The following MYLK3 variants were observed in gnomAD, a reference collection of about 807,000 sequenced individuals.
MYLK3 encodes myosin light chain kinase 3.
MYLK3 carries 55 observed loss-of-function variants against 76.3 expected under a neutral mutation model. That is an observed-to-expected ratio of 0.72 (90% CI 0.58 to 0.90). The LOEUF is 0.90. Ranked by LOEUF, MYLK3 falls within the 40% of genes least tolerant of loss-of-function variation. MYLK3 has a pLI of 0.00. For synonymous variants in MYLK3, 416 were observed against 425.4 expected, an observed-to-expected ratio of 0.98 and a Z score of 0.27; for missense variants, 973 against 1,053.6, an observed-to-expected ratio of 0.92 and a Z score of 1.06.
intron 10 of MYLK3, among the ~76,000 whole-genome samples, chr16:46,712,388 C>T (rs1438213095): frequency 6.6e-6 from 1 of 151,598 alleles, no homozygotes; most frequent in Non-Finnish European, 1.5e-5. Flanking sequence ...AATATCGGCA[C>T]ATCTCAATTT....
chr16:46,709,084 TC>T (rs1040050115), intron 12 of MYLK3, among the ~76,000 whole-genome samples: 2 of 152,200 alleles, frequency 1.3e-5, no homozygotes, highest in Non-Finnish European at 2.9e-5. Flanking sequence ...GAGAGATTTT[TC>T]CCCCTAAATA....
rs1277186987 is a variant in MYLK3 at position 46,758,302 on chromosome 16, ACACTCTCTCTCTCT to A, written c.-114+4724_-114+4737del. ...CACACACACACACACACACACACAC[ACACTCTCTCTCTCT>A]CTCTCTCTCTCTCTCTCTCTCTCTC... On this transcript the variant is annotated intron_variant, in intron 1 of 11. Coordinates refer to the MYLK3 transcript ENST00000536476. 5.6e-3 allele frequency among the ~76,000 whole-genome samples: 301 copies of A among 53,894 alleles called. 2 individuals carry two copies. The highest frequency in any genetic ancestry group is 0.025 in the African/African-American group (267 of 10,868). 35.4% of individuals were successfully genotyped at this position (53,894 alleles called of 152,430 possible). A position where few individuals can be genotyped will look rare whatever the true frequency, so the allele number is the denominator to read the frequency against.
In MYLK3 at chr16:46,702,692, T is replaced by C. The variant is rs1381762151; in HGVS notation, c.*5012A>G. ...ATCCCAGCACTTTGGGAGGCCGAGG[T>C]GGGCAGATCACGAGGTCAAGAGATC... On this transcript the variant is annotated 3_prime_UTR_variant, in exon 13 of 13. Transcript: ENST00000394809. 6.6e-6 allele frequency among the ~76,000 whole-genome samples: 1 copy of C among 151,946 alleles called. No individual in the cohort carries two copies. The highest frequency in any genetic ancestry group is 6.6e-5 in the Admixed American group (1 of 15,250).
At chr16:46,719,728 C>T (rs1277531549) in intron 9 of MYLK3, among the ~76,000 whole-genome samples, 1 of 152,200 alleles carries the variant, frequency 6.6e-6, no homozygotes, top group African/African-American at 2.4e-5. Context: ...GTCACCACCC[C>T]TGCCCTCCAG....
Position 46,702,630 on chromosome 16 carries a change from A to C in MYLK3, c.*5074T>G, listed in dbSNP as rs932160034. ...GTTGTGAATTTTTAATTATAAATGTAATACATGCGGGCCAGGCGCAGTGGC... is the reference window on the plus strand; with the variant it reads ...GTTGTGAATTTTTAATTATAAATGTCATACATGCGGGCCAGGCGCAGTGGC... On this transcript the variant is annotated 3_prime_UTR_variant, in exon 13 of 13. Coordinates refer to ENST00000394809, the MANE Select transcript of MYLK3 (RefSeq NM_182493.3). Among the ~76,000 whole-genome samples, 1 of 152,226 alleles carries C rather than the reference A, an allele frequency of 6.6e-6. No individual in the cohort carries two copies. The highest frequency in any genetic ancestry group is 1.5e-5 in the Non-Finnish European group (1 of 68,040).
Position 46,707,477 on chromosome 16 carries a change from A to G in MYLK3, c.*227T>C. The G allele has an allele frequency of 2.0e-6, 1 of 493,020 alleles. No homozygotes were observed. The highest frequency in any genetic ancestry group is 3.6e-6 in the Non-Finnish European group (1 of 279,524). 30.5% of individuals were successfully genotyped at this position (493,020 alleles called of 1,614,324 possible). On this transcript the variant is annotated 3_prime_UTR_variant, in exon 13 of 13. Transcript: ENST00000394809. ...AAGTAGGTATATTTGAAAGGTACTCAGAGCATTTCACACGTAGTGATCTTA... is the reference window on the plus strand; with the variant it reads ...AAGTAGGTATATTTGAAAGGTACTCGGAGCATTTCACACGTAGTGATCTTA...
intron 2 of MYLK3, among the ~76,000 whole-genome samples, chr16:46,738,756 G>C (rs1966886651): frequency 6.6e-6 from 1 of 152,238 alleles, no homozygotes; most frequent in Non-Finnish European, 1.5e-5. Flanking sequence ...GGAAAGAAAA[G>C]ACAAAAGTTT....
intron 11 of MYLK3, 126 bp from the exon 12 acceptor site, chr16:46,709,797 T>C: frequency 5.2e-6 from 6 of 1,154,284 alleles, no homozygotes; most frequent in Non-Finnish European, 6.0e-6. Flanking sequence ...ATTCATGCCA[T>C]GTACCAAAAA....
chr16:46,719,905 T>A (rs1283281084), intron 9 of MYLK3, among the ~76,000 whole-genome samples: 2 of 152,190 alleles, frequency 1.3e-5, no homozygotes, highest in Non-Finnish European at 2.9e-5. Context: ...GGGCCTGATG[T>A]GGTGGCTCAC....
chr16:46,723,656 T>TC (rs1966821392), intron 8 of MYLK3, among the ~76,000 whole-genome samples: 1 of 150,990 alleles, frequency 6.6e-6, no homozygotes, highest in African/African-American at 2.4e-5. Flanking sequence ...GATGCTTTTT[T>TC]TTTTTTTTTT....
chr16:46,743,924 A>C (rs2143016651), intron 1 of MYLK3, among the ~76,000 whole-genome samples: 1 of 152,356 alleles, frequency 6.6e-6, no homozygotes, highest in South Asian at 2.1e-4. Context: ...TTATATTTGA[A>C]ATTTTCCATA....
chr16:46,734,784 G>A (rs995364520), intron 3 of MYLK3, among the ~76,000 whole-genome samples: 6 of 152,154 alleles, frequency 3.9e-5, no homozygotes, highest in East Asian at 1.9e-4. Flanking sequence ...AGATGGAAAC[G>A]TCCTGGAGAT....
intron 9 of MYLK3, 100 bp from the exon 10 acceptor site, chr16:46,712,876 A>C: frequency 8.1e-7 from 1 of 1,239,440 alleles, no homozygotes. Context: ...CCCACTTCCC[A>C]TCAGCCATAT....
chr16:46,709,713 C>T (rs1309169587), intron 11 of MYLK3, 42 bp from the exon 12 acceptor site: 4 of 1,597,192 alleles, frequency 2.5e-6, no homozygotes, highest in African/African-American at 1.4e-5. Context: ...GTTGGAGTTG[C>T]CTTTTCTCAT....
intron 1 of MYLK3, among the ~76,000 whole-genome samples, chr16:46,747,089 A>AC (rs1272477187): frequency 1.3e-5 from 2 of 151,776 alleles, no homozygotes; most frequent in Non-Finnish European, 1.5e-5. Context: ...TACAGACCTC[A>AC]CCCCCCATAT....
Position 46,729,599 on chromosome 16 carries a change from C to G in MYLK3, c.1657G>C (p.Asp553His), listed in dbSNP as rs1966848453. Residue 553 changes from aspartate to histidine, a missense_variant, in exon 6 of 13, where the codon GAC becomes CAC. By Grantham distance (81) the Asp-to-His change is moderately conservative. This residue lies in a region of MYLK3 where 332 missense variants were observed against 416.6 expected (regional missense o/e 0.80). Transcript: ENST00000394809. ...GGCCCAGCCAGATGCCTCACCCGGT[C>G]CTTGGCGCTCTTCACTTTGATGATC... ...AKIIKVKSAK[D>H]REDVKNEINI... The G allele has an allele frequency of 1.2e-6, 2 of 1,613,636 alleles. No homozygotes were observed. The highest frequency in any genetic ancestry group is 1.7e-6 in the Non-Finnish European group (2 of 1,179,758).
At chr16:46,738,998 G>A (rs1371411736) in intron 2 of MYLK3, among the ~76,000 whole-genome samples, 1 of 152,104 alleles carries the variant, frequency 6.6e-6, no homozygotes, top group Non-Finnish European at 1.5e-5. Context: ...ATGCCACCAT[G>A]CCCAGTTAAT....
Position 46,737,961 on chromosome 16 carries a change from G to A in MYLK3, c.751C>T (p.Pro251Ser), listed in dbSNP as rs1375995995. 2 of 1,614,036 alleles carry A rather than the reference G, an allele frequency of 1.2e-6. No homozygotes were observed. Among genetic ancestry groups the A allele is most frequent in the Non-Finnish European group, 1.7e-6 (2 of 1,180,040 alleles). Residue 251 changes from proline (P) to serine (S), a missense_variant, in exon 3 of 13, where the codon CCT becomes TCT. Pro to Ser is a moderately conservative substitution (Grantham distance 74, BLOSUM62 -1). Around this residue, in one of 2 missense-constraint regions of MYLK3, gnomAD observed 641 missense variants for 637.0 expected, o/e 1.01. Transcript: ENST00000394809. ...PLPTKVEAKA[P>S]ETPSENLRTG... ...CTGAGGTTCTCGCTGGGTGTCTCAGGAGCCTTGGCTTCCACCTTTGTGGGC... is the reference window on the plus strand; with the variant it reads ...CTGAGGTTCTCGCTGGGTGTCTCAGAAGCCTTGGCTTCCACCTTTGTGGGC...
chr16:46,751,949 G>C (rs936494262), upstream of MYLK3, among the ~76,000 whole-genome samples: 2 of 152,168 alleles, frequency 1.3e-5, no homozygotes, highest in African/African-American at 2.4e-5. Context: ...TTGGGTGATG[G>C]TGCTTGCCCA....
Sources: gnomAD v4.1 joint callset for allele counts (sites outside exome capture counted in the v4.1 genomes callset) on GRCh38, gnomAD v4.1.1 for gene constraint, gnomAD v4.1.1 regional missense constraint, MANE v1.5 for transcripts, NCBI Gene and HGNC (gene_info 2026-07-23, HGNC 2026-07-21) for gene names.